The following PRR11 variants were observed in gnomAD, a reference collection of about 807,000 sequenced individuals.
PRR11 encodes proline rich 11.
Under a neutral mutation model 45.6 loss-of-function variants are expected in PRR11, and 30 were observed. The observed-to-expected ratio is 0.66, with a 90% CI of 0.49 to 0.89. The LOEUF (loss-of-function observed/expected upper bound fraction) is 0.89, where lower values mean the gene tolerates loss of function less well. PRR11 is among the 40% of genes least tolerant of loss of function. The probability of loss-of-function intolerance (pLI) is 0.00; values close to 1 mark genes in which losing one functional copy is unlikely to be tolerated. For synonymous variants in PRR11, 128 were observed against 153.5 expected, an observed-to-expected ratio of 0.83 and a Z score of 1.23; for missense variants, 373 against 424.8, an observed-to-expected ratio of 0.88 and a Z score of 1.07.
intron 2 of PRR11, among the ~76,000 whole-genome samples, chr17:59,177,726 C>T (rs2046755843): frequency 6.6e-6 from 1 of 152,086 alleles, no homozygotes; most frequent in South Asian, 2.1e-4. Flanking sequence ...AATAAAAAGA[C>T]CAAGAATAGC....
In PRR11 at chr17:59,201,558, T is replaced by TA. The variant is rs1356557506; in HGVS notation, c.1015-4dup. On this transcript the variant is annotated splice_region_variant and splice_polypyrimidine_tract_variant and intron_variant, in intron 9 of 9. Transcript: ENST00000262293. ...TATTATAATTGGGACTTTTTTTTTT[T>TA]ATAGCTGGCTCACCCTAGAAGCCCA... is the stretch of plus-strand genomic sequence containing the variant. The TA allele has an allele frequency of 2.5e-6, 4 of 1,609,996 alleles. No individual in the cohort carries two copies. Among genetic ancestry groups the TA allele is most frequent in the Admixed American group, 3.3e-5 (2 of 59,952 alleles).
intron 2 of PRR11, among the ~76,000 whole-genome samples, chr17:59,184,166 A>G: frequency 6.6e-6 from 1 of 152,066 alleles, no homozygotes; most frequent in Non-Finnish European, 1.5e-5. Context: ...CATCCAAAAA[A>G]CCTGTCAGTT....
At chr17:59,165,303 A>C (rs1445755705) in intron 1 of PRR11, among the ~76,000 whole-genome samples, 1 of 151,378 alleles carries the variant, frequency 6.6e-6, no homozygotes, top group Non-Finnish European at 1.5e-5. Flanking sequence ...TACAGGCGTG[A>C]GCCACCGCGC....
chr17:59,185,027 A>G (rs775273980), intron 2 of PRR11, 27 bp from the exon 3 acceptor site: 40 of 1,604,390 alleles, frequency 2.5e-5, no homozygotes, highest in Non-Finnish European at 3.2e-5. Flanking sequence ...GGGGTTTTTT[A>G]TTTGTTTCAT....
chr17:59,166,240 T>A (rs2046679878), intron 1 of PRR11, among the ~76,000 whole-genome samples: 1 of 152,178 alleles, frequency 6.6e-6, no homozygotes, highest in African/African-American at 2.4e-5. Context: ...TGAATGTGTA[T>A]TTTAAAGGCC....
chr17:59,181,551 G>T, intron 2 of PRR11: 1 of 1,227,752 alleles, frequency 8.1e-7, no homozygotes, highest in Non-Finnish European at 1.2e-6. Flanking sequence ...CAGGGAGCAC[G>T]AATGACACTA....
At chr17:59,170,570 C>G (rs2147837805) in intron 2 of PRR11, among the ~76,000 whole-genome samples, 1 of 151,968 alleles carries the variant, frequency 6.6e-6, no homozygotes, top group South Asian at 2.1e-4. Context: ...GCCTTCTCTT[C>G]TATTATTTTT....
intron 1 of PRR11, among the ~76,000 whole-genome samples, chr17:59,161,962 A>C (rs2046654653): frequency 6.6e-6 from 1 of 152,200 alleles, no homozygotes; most frequent in Non-Finnish European, 1.5e-5. Flanking sequence ...TAATGCTTTT[A>C]ATTAAGTAAT....
intron 1 of PRR11, 103 bp from the exon 2 acceptor site, chr17:59,169,645 G>A (rs1328853886): frequency 1.8e-6 from 2 of 1,085,118 alleles, no homozygotes; most frequent in African/African-American, 1.6e-5. Context: ...GGTTTCAAGG[G>A]TGTGTTCATG....
intron 2 of PRR11, among the ~76,000 whole-genome samples, 195 bp from the exon 3 acceptor site, chr17:59,184,859 T>G (rs1402277975): frequency 7.0e-6 from 1 of 141,964 alleles, no homozygotes; most frequent in African/African-American, 2.6e-5. Flanking sequence ...AGTTTTTTTT[T>G]TTTTTTTTTT....
rs567238194 is a variant in PRR11 at position 59,201,772 on chromosome 17, A to G, written c.*141A>G. 6 of 796,844 alleles carry G rather than the reference A, an allele frequency of 7.5e-6. No homozygotes were observed. The highest frequency in any genetic ancestry group is 1.2e-5 in the Non-Finnish European group (6 of 480,092). The allele number at this position is 796,844 out of a possible 1,614,324, so 49.4% of individuals were successfully genotyped here. On this transcript the variant is annotated 3_prime_UTR_variant, in exon 10 of 10. Coordinates refer to ENST00000262293, the MANE Select transcript of PRR11 (RefSeq NM_018304.4). Reference sequence around the variant, plus strand: ...GATCACCTGAGGTCAGGAGTTTGAGACCAGCCTGGCCAACATGGTGAAACT... The same window carrying G: ...GATCACCTGAGGTCAGGAGTTTGAGGCCAGCCTGGCCAACATGGTGAAACT...
intron 2 of PRR11, among the ~76,000 whole-genome samples, chr17:59,182,012 T>C (rs1212176393): frequency 3.1e-5 from 4 of 131,120 alleles, no homozygotes; most frequent in Non-Finnish European, 6.2e-5. Flanking sequence ...TTTTTGCTTG[T>C]TTTTTTGTTA....
chr17:59,189,024 A>G (rs1186895594), intron 4 of PRR11, among the ~76,000 whole-genome samples: 2 of 151,222 alleles, frequency 1.3e-5, no homozygotes, highest in African/African-American at 2.4e-5. Context: ...TGTTTATAGG[A>G]TGTTCCCATG....
intron 5 of PRR11, among the ~76,000 whole-genome samples, chr17:59,194,151 C>T (rs909490057): frequency 3.3e-5 from 5 of 151,976 alleles, no homozygotes; most frequent in Non-Finnish European, 7.4e-5. Context: ...ACCAAGGGGA[C>T]CAGACAATTT....
At chr17:59,190,918 GAGGAATGGCTAC>G (rs1235091323) in intron 4 of PRR11, among the ~76,000 whole-genome samples, 1 of 152,222 alleles carries the variant, frequency 6.6e-6, no homozygotes, top group Non-Finnish European at 1.5e-5. Context: ...ATACCAGAAG[GAGGAATGGCTAC>G]AGGTGAGGGC....
intron 2 of PRR11, among the ~76,000 whole-genome samples, chr17:59,180,493 C>CTTTTTTTTTTTTTTTTT (rs757636718): frequency 8.5e-6 from 1 of 118,244 alleles, no homozygotes; most frequent in African/African-American, 4.7e-5. Context: ...TGGGCCCGTC[C>CTTTTTTTTTTTTTTTTT]TTGTTTTTTT....
In PRR11 at chr17:59,197,709, C is replaced by T. The variant is rs1178150059; in HGVS notation, c.934C>T (p.Pro312Ser). The change falls in exon 9 of 10, where the codon CCT becomes TCT. Residue 312 changes from proline (P) to serine (S), a missense_variant. Coordinates refer to ENST00000262293, the MANE Select transcript of PRR11 (RefSeq NM_018304.4). The part of the protein sequence containing the change: ...VDVERSPGGT[P>S]LTNKENMETG... ...CCTTTGCAGGAGCCCAGGTGGAACC[C>T]CTCTTACCAATAAGGAAAATATGGA... is the stretch of plus-strand genomic sequence containing the variant. The T allele has an allele frequency of 3.7e-6, 6 of 1,613,868 alleles. No homozygotes were observed. The highest frequency in any genetic ancestry group is 2.7e-5 in the African/African-American group (2 of 74,890).
intron 2 of PRR11, among the ~76,000 whole-genome samples, chr17:59,171,657 C>T (rs866744284): frequency 1.6e-4 from 25 of 151,768 alleles, no homozygotes; most frequent in African/African-American, 5.1e-4. Flanking sequence ...CCATCTTTTT[C>T]AAAATAAACC....
Position 59,180,562 on chromosome 17 carries a change from G to C in PRR11, c.129-4492G>C, listed in dbSNP as rs183161615. Among the ~76,000 whole-genome samples the C allele has an allele frequency of 6.8e-4, 97 of 142,332 alleles. 3 individuals are homozygous for C. The highest frequency in any genetic ancestry group is 2.1e-3 in the African/African-American group (76 of 36,382). The allele number at this position is 142,332 out of a possible 152,430, so 93.4% of individuals were successfully genotyped here. ...TCTCAGTCTCTCAGACTGGAGTGCA[G>C]TGGTGCTATCTCGGCTCAAAGCAAC... is the stretch of plus-strand genomic sequence containing the variant. On this transcript the variant is annotated intron_variant, in intron 2 of 9. Transcript: ENST00000262293.
Sources: allele counts gnomAD v4.1 joint callset (sites outside exome capture counted in the v4.1 genomes callset), GRCh38; gene constraint gnomAD v4.1.1; transcripts MANE v1.5; gene names NCBI Gene and HGNC (gene_info 2026-07-23, HGNC 2026-07-21).